Variants in SNX29 observed in about 807,000 individuals in gnomAD.
SNX29 encodes sorting nexin 29.
Under a neutral mutation model 102.1 loss-of-function variants are expected in SNX29, and 78 were observed. The ratio of observed to expected loss-of-function variants is 0.76; its 90% confidence interval spans 0.64 to 0.92. The LOEUF is 0.92. SNX29 is among the 40% of genes least tolerant of loss of function. The probability of loss-of-function intolerance (pLI) is 0.00; values close to 1 mark genes in which losing one functional copy is unlikely to be tolerated. For missense variants in SNX29, 1,280 were observed against 1,061.7 expected (o/e 1.21, Z -2.86); for synonymous variants, 580 against 414.5 (o/e 1.40, Z -4.85).
chr16:12,208,103 C>G (rs1387024863), intron 14 of SNX29, among the ~76,000 whole-genome samples: 2 of 152,198 alleles, frequency 1.3e-5, no homozygotes, highest in African/African-American at 4.8e-5. Context: ...TTCCATACCA[C>G]TTAAGAGCGG....
intron 19 of SNX29, among the ~76,000 whole-genome samples, chr16:12,511,762 C>A (rs1347116847): frequency 1.3e-5 from 2 of 152,102 alleles, no homozygotes; most frequent in Non-Finnish European, 2.9e-5. Flanking sequence ...GGGCTATGAT[C>A]TGTCATCCCC....
At chr16:12,156,268 G>T (rs1048287422) in intron 13 of SNX29, among the ~76,000 whole-genome samples, 14 of 152,234 alleles carry the variant, frequency 9.2e-5, no homozygotes, top group Admixed American at 6.5e-5. Flanking sequence ...CTGCCTCCCA[G>T]ATTCAAGCGA....
At chr16:12,169,676 A>G (rs896675514) in intron 13 of SNX29, among the ~76,000 whole-genome samples, 1 of 152,168 alleles carries the variant, frequency 6.6e-6, no homozygotes, top group Admixed American at 6.5e-5. Context: ...CCTGGCCAAC[A>G]TGGTGAAATG....
chr16:12,114,247 G>C (rs544846063), intron 11 of SNX29, among the ~76,000 whole-genome samples: 1 of 152,322 alleles, frequency 6.6e-6, no homozygotes, highest in South Asian at 2.1e-4. Flanking sequence ...CCAGCATCCA[G>C]AGGTACAGCT....
rs572098346 is a variant in SNX29, at chr16:12,425,713, G to T, written c.2037+22184G>T. ...TCAAATAGAGTGTGTCCTGGAGTTT[G>T]CACAGATGATTTGGGCGGCCAGGGT... On this transcript the variant is annotated intron_variant, in intron 18 of 20. Transcript: ENST00000566228. Among the ~76,000 whole-genome samples the T allele has an allele frequency of 1.3e-4, 20 of 152,198 alleles. No homozygotes were observed. In the South Asian group the frequency reaches 2.3e-3, roughly 17 times the overall value.
chr16:12,564,449 C>G (rs774943058), intron 20 of SNX29, among the ~76,000 whole-genome samples: 1 of 152,144 alleles, frequency 6.6e-6, no homozygotes, highest in Non-Finnish European at 1.5e-5. Context: ...GATCAGAAAG[C>G]TGTGTTTTGG....
At chr16:11,992,959 C>T (rs994345762) in intron 1 of SNX29, among the ~76,000 whole-genome samples, 7 of 151,788 alleles carry the variant, frequency 4.6e-5, no homozygotes, top group African/African-American at 1.7e-4. Flanking sequence ...GTCAGGAGTT[C>T]GAGACCAGCC....
At chr16:12,116,573 C>T (rs1332653495) in intron 11 of SNX29, among the ~76,000 whole-genome samples, 1 of 137,244 alleles carries the variant, frequency 7.3e-6, no homozygotes, top group East Asian at 1.9e-4. Flanking sequence ...ACTTGGGAGG[C>T]TGAGGCATGA....
chr16:12,555,608 G>A (rs1308299016), intron 20 of SNX29, among the ~76,000 whole-genome samples: 2 of 151,694 alleles, frequency 1.3e-5, no homozygotes, highest in Non-Finnish European at 2.9e-5. Context: ...GCTGCCCTTA[G>A]TCCAGTGTGC....
intron 15 of SNX29, among the ~76,000 whole-genome samples, chr16:12,323,959 T>C (rs540628810): frequency 3.9e-5 from 6 of 152,238 alleles, no homozygotes; most frequent in East Asian, 3.9e-4. Context: ...TTTGAAAATA[T>C]AGAGATTGAT....
chr16:12,116,319 C>T (rs570727682), intron 11 of SNX29, among the ~76,000 whole-genome samples: 1 of 152,300 alleles, frequency 6.6e-6, no homozygotes, highest in South Asian at 2.1e-4. Context: ...TGTCCATTAT[C>T]TGAAGAATGG....
At chr16:12,170,182 A>C (rs1162726759) in intron 13 of SNX29, among the ~76,000 whole-genome samples, 2 of 152,046 alleles carry the variant, frequency 1.3e-5, no homozygotes, top group Admixed American at 6.5e-5. Flanking sequence ...AAATTGCCCC[A>C]GTTGAGAAGC....
chr16:12,023,636 C>T (rs1596620672), intron 3 of SNX29, among the ~76,000 whole-genome samples: 1 of 151,878 alleles, frequency 6.6e-6, no homozygotes, highest in East Asian at 1.9e-4. Flanking sequence ...AGCTAGTGCT[C>T]CTTTCATTTC....
chr16:12,313,700 T>C (rs1157229865), intron 15 of SNX29, among the ~76,000 whole-genome samples: 6 of 152,218 alleles, frequency 3.9e-5, no homozygotes, highest in East Asian at 1.9e-4. Flanking sequence ...GTTCTGCTCA[T>C]TGTTGCATCC....
chr16:12,169,301 G>A (rs1275876552), intron 13 of SNX29, among the ~76,000 whole-genome samples: 2 of 152,186 alleles, frequency 1.3e-5, no homozygotes, highest in South Asian at 2.1e-4. Context: ...CGCAAGTGAC[G>A]CCGCCTGGTT....
At chr16:12,226,434 A>C (rs986233108) in intron 14 of SNX29, among the ~76,000 whole-genome samples, 1 of 152,182 alleles carries the variant, frequency 6.6e-6, no homozygotes, top group African/African-American at 2.4e-5. Flanking sequence ...AGAGAGAGGG[A>C]AAGAGAATCT....
At chr16:12,555,195 A>C (rs961390280) in intron 20 of SNX29, among the ~76,000 whole-genome samples, 4 of 151,846 alleles carry the variant, frequency 2.6e-5, no homozygotes, top group African/African-American at 9.7e-5. Context: ...TGTGGCATGC[A>C]GACTGGACTA....
intron 13 of SNX29, among the ~76,000 whole-genome samples, chr16:12,177,785 G>C (rs1474374291): frequency 6.6e-6 from 1 of 152,148 alleles, no homozygotes; most frequent in Non-Finnish European, 1.5e-5. Context: ...ACTTCAATCA[G>C]TCAATATTTG....
At chr16:12,568,084 T>G (rs182415134) in intron 20 of SNX29, among the ~76,000 whole-genome samples, 2 of 152,334 alleles carry the variant, frequency 1.3e-5, no homozygotes, top group East Asian at 3.9e-4. Context: ...AGGAAGTCCG[T>G]CTCCTGTGTT....
Sources: gnomAD v4.1 joint callset for allele counts (sites outside exome capture counted in the v4.1 genomes callset) on GRCh38, gnomAD v4.1.1 for gene constraint, MANE v1.5 for transcripts, NCBI Gene and HGNC (gene_info 2026-07-23, HGNC 2026-07-21) for gene names.